Variants in DLG2 observed in about 807,000 individuals in gnomAD.
DLG2 encodes discs large MAGUK scaffold protein 2.
In DLG2, 45 loss-of-function variants were observed where a neutral mutation model predicts 132.5. That is an observed-to-expected ratio of 0.34 (90% CI 0.27 to 0.44). The LOEUF is 0.44. Ranked by LOEUF, DLG2 falls within the 20% of genes least tolerant of loss-of-function variation. DLG2 has a pLI of 1.00. For synonymous variants in DLG2, 424 were observed against 419.6 expected, an observed-to-expected ratio of 1.01 and a Z score of -0.13; for missense variants, 1,045 against 1,196.9, an observed-to-expected ratio of 0.87 and a Z score of 1.87.
At chr11:84,502,326 CTT>C (rs2099217756) in intron 7 of DLG2, among the ~76,000 whole-genome samples, 7 of 16,174 alleles carry the variant, frequency 4.3e-4, no homozygotes, top group East Asian at 9.9e-4. Flanking sequence ...TTCTTTCTTT[CTT>C]TCTTTCTTTC....
In DLG2 at chr11:84,187,623, A is replaced by T. The variant is rs536646613; in HGVS notation, c.574-24112T>A. Among the ~76,000 whole-genome samples the T allele has an allele frequency of 3.0e-3, 453 of 152,194 alleles. 3 individuals carry two copies. Among genetic ancestry groups the T allele is most frequent in the African/African-American group, 0.011 (446 of 41,560 alleles). On this transcript the variant is annotated intron_variant, in intron 8 of 27. Coordinates refer to ENST00000376104, the MANE Select transcript of DLG2 (RefSeq NM_001142699.3). ...TATGTCTACCTCCAAGAAAAATTTT[A>T]TCTCAATGTTGCTAAGTATTCCTGG... is the stretch of plus-strand genomic sequence containing the variant.
chr11:85,448,644 A>C (rs79568097), intron 3 of DLG2, among the ~76,000 whole-genome samples: 3,381 of 152,092 alleles, frequency 0.022, 122 homozygotes, highest in African/African-American at 0.076. Flanking sequence ...GAAATATCCC[A>C]CTCTTGTCTG....
intron 7 of DLG2, among the ~76,000 whole-genome samples, chr11:84,264,405 T>C (rs2097585414): frequency 6.6e-6 from 1 of 152,162 alleles, no homozygotes; most frequent in Admixed American, 6.6e-5. Flanking sequence ...ATACTGCTTG[T>C]TCAGTTTACC....
rs369057066 is a variant in DLG2, at chr11:85,535,389, T to A, written c.40+63268A>T. On this transcript the variant is annotated intron_variant, in intron 3 of 27. Transcript: ENST00000376104. ...TGGGGTCAAAATAAATAAATAAATA[T>A]ATATATAAAAATAATGTCAGTGCGT... Among the ~76,000 whole-genome samples the A allele has an allele frequency of 7.2e-5, 11 of 151,960 alleles. No homozygotes were observed. In the East Asian group the frequency reaches 1.5e-3, roughly 21 times the overall value.
At chr11:84,506,079 C>CTTTTTT (rs779039240) in intron 7 of DLG2, among the ~76,000 whole-genome samples, 11 of 107,022 alleles carry the variant, frequency 1.0e-4, no homozygotes, top group Non-Finnish European at 1.6e-4. Context: ...AGGCTCAGTT[C>CTTTTTT]TTTTTTTTTT....
At chr11:84,123,669 G>T (rs987477027) in intron 9 of DLG2, among the ~76,000 whole-genome samples, 1 of 152,246 alleles carries the variant, frequency 6.6e-6, no homozygotes, top group East Asian at 1.9e-4. Flanking sequence ...GCTCCAAAAA[G>T]TTAAGCCTCA....
At position 84,751,061 on chromosome 11, in the gene DLG2, G is replaced by T. The variant is rs1048172287; in HGVS notation, c.358-216330C>A. On this transcript the variant is annotated intron_variant, in intron 6 of 27. Transcript: ENST00000376104. ...AAAAAAAGAATGGAGTAGATATTTA[G>T]GAAAAAGAAGACAGGTAGCTGAATT... 1.9e-4 allele frequency among the ~76,000 whole-genome samples: 29 copies of T among 152,070 alleles called. 1 individual carries two copies. Among genetic ancestry groups the T allele is most frequent in the African/African-American group, 2.4e-5 (1 of 41,416 alleles).
At chr11:85,563,203 A>G (rs2077348982) in intron 3 of DLG2, among the ~76,000 whole-genome samples, 1 of 151,742 alleles carries the variant, frequency 6.6e-6, no homozygotes. Flanking sequence ...GATTTTTTAA[A>G]TCAAGTTTAT....
chr11:83,513,760 T>C (rs2095164576), intron 21 of DLG2, among the ~76,000 whole-genome samples: 1 of 152,234 alleles, frequency 6.6e-6, no homozygotes. Context: ...TAGCCAGTTG[T>C]CTCAGCACCA....
rs190683018 is a variant in DLG2, at chr11:85,092,988, T to C, written c.357+18673A>G. ...CATGCAATGTGAAATAATCATATCA[T>C]GGAAAATAGGAATATCCATCACCTC... is the stretch of plus-strand genomic sequence containing the variant. On this transcript the variant is annotated intron_variant, in intron 6 of 27. Transcript: ENST00000376104. Among the ~76,000 whole-genome samples the C allele has an allele frequency of 5.6e-4, 86 of 152,256 alleles. 2 individuals carry two copies. The highest frequency in any genetic ancestry group is 1.8e-3 in the African/African-American group (74 of 41,554).
chr11:84,992,416 T>C (rs2057217602), intron 6 of DLG2, among the ~76,000 whole-genome samples: 1 of 152,178 alleles, frequency 6.6e-6, no homozygotes, highest in Non-Finnish European at 1.5e-5. Flanking sequence ...AATATATCAG[T>C]AAAATAAGAA....
intron 8 of DLG2, among the ~76,000 whole-genome samples, chr11:84,175,518 T>C (rs915461693): frequency 1.3e-5 from 2 of 152,170 alleles, no homozygotes; most frequent in Non-Finnish European, 2.9e-5. Context: ...TTCTCTCTAA[T>C]CATTTTACTT....
At chr11:84,305,105 G>C (rs958993424) in intron 7 of DLG2, among the ~76,000 whole-genome samples, 2 of 152,146 alleles carry the variant, frequency 1.3e-5, no homozygotes, top group African/African-American at 4.8e-5. Context: ...AGGTTATCCT[G>C]CAAGACATAT....
chr11:84,124,440 A>G (rs984086843), intron 9 of DLG2, among the ~76,000 whole-genome samples: 4 of 152,248 alleles, frequency 2.6e-5, no homozygotes, highest in African/African-American at 7.2e-5. Context: ...CAGTTGCTAC[A>G]TAAAGAAACA....
chr11:85,108,022 A>ACG (rs2072095377), intron 6 of DLG2, among the ~76,000 whole-genome samples: 1 of 149,996 alleles, frequency 6.7e-6, no homozygotes, highest in South Asian at 2.1e-4. Context: ...ACACACACAC[A>ACG]CACACATCCA....
chr11:84,126,163 G>A (rs989866672), intron 9 of DLG2, among the ~76,000 whole-genome samples: 18 of 152,166 alleles, frequency 1.2e-4, no homozygotes, highest in Admixed American at 6.5e-5. Flanking sequence ...TTTGTGGAGT[G>A]AGACGATGAT....
At chr11:84,559,586 C>T (rs1296580048) in intron 6 of DLG2, among the ~76,000 whole-genome samples, 2 of 151,994 alleles carry the variant, frequency 1.3e-5, no homozygotes, top group Admixed American at 6.6e-5. Flanking sequence ...CTTTTAAAAG[C>T]TCTCCATCCA....
At chr11:83,577,086 G>T (rs940488040) in intron 19 of DLG2, among the ~76,000 whole-genome samples, 4 of 152,100 alleles carry the variant, frequency 2.6e-5, no homozygotes, top group Non-Finnish European at 4.4e-5. Context: ...CTAATCAGCT[G>T]CCAGCGAATA....
At chr11:85,339,361 T>G (rs1392964289) in intron 3 of DLG2, among the ~76,000 whole-genome samples, 4 of 152,194 alleles carry the variant, frequency 2.6e-5, no homozygotes, top group African/African-American at 9.6e-5. Flanking sequence ...GTTATCTCTT[T>G]AGGATACATT....
Sources: allele counts gnomAD v4.1 joint callset (sites outside exome capture counted in the v4.1 genomes callset), GRCh38; gene constraint gnomAD v4.1.1; transcripts MANE v1.5; gene names NCBI Gene and HGNC (gene_info 2026-07-23, HGNC 2026-07-21).